SLC39A11: variants seen among roughly 807,000 people sequenced by gnomAD.
SLC39A11 encodes solute carrier family 39 member 11, also known as zinc transporter ZIP11.
A neutral mutation model predicts 36.1 loss-of-function variants in SLC39A11; 33 were observed. That is an observed-to-expected ratio of 0.91 (90% CI 0.69 to 1.22). The LOEUF (loss-of-function observed/expected upper bound fraction) is 1.22, where lower values mean the gene tolerates loss of function less well. Ranked by LOEUF, SLC39A11 falls within the 50% of genes most tolerant of loss-of-function variation. The probability of loss-of-function intolerance (pLI) is 0.00; values close to 1 mark genes in which losing one functional copy is unlikely to be tolerated. For synonymous variants in SLC39A11, 166 were observed against 170.3 expected (o/e 0.97, Z 0.20); for missense variants, 432 against 430.3 (o/e 1.00, Z -0.03).
At position 72,727,248 on chromosome 17, in the gene SLC39A11, G is replaced by A. The variant is rs537354664; in HGVS notation, c.671+9402C>T. Among the ~76,000 whole-genome samples, 243 of 152,302 alleles carry A rather than the reference G, an allele frequency of 1.6e-3. No homozygotes were observed. The Middle Eastern group carries it at 0.037, about 23-fold the overall frequency. On this transcript the variant is annotated intron_variant, in intron 7 of 9. Coordinates refer to ENST00000255559, the MANE Select transcript of SLC39A11 (RefSeq NM_139177.4). ...CAGAGAACATGTTCTTTGAAGTGAC[G>A]ATACAGCAGAAAGGAAAACCGCTTA...
intron 6 of SLC39A11, among the ~76,000 whole-genome samples, chr17:72,849,394 T>C (rs758296096): frequency 1.3e-5 from 2 of 152,228 alleles, no homozygotes; most frequent in East Asian, 3.8e-4. Context: ...GTAACAAATA[T>C]GTAAACAAAA....
chr17:72,669,426 T>G (rs535946721), intron 7 of SLC39A11, among the ~76,000 whole-genome samples: 3 of 152,272 alleles, frequency 2.0e-5, no homozygotes, highest in Non-Finnish European at 4.4e-5. Context: ...TTTCATGACT[T>G]TGAAGAGTGC....
At chr17:72,666,778 T>C (rs2070774932) in intron 7 of SLC39A11, among the ~76,000 whole-genome samples, 2 of 152,218 alleles carry the variant, frequency 1.3e-5, no homozygotes, top group Admixed American at 6.5e-5. Flanking sequence ...AGTTAGAACA[T>C]GCTCCCTTCC....
At chr17:72,847,656 A>G (rs1341452523) in intron 6 of SLC39A11, among the ~76,000 whole-genome samples, 2 of 152,170 alleles carry the variant, frequency 1.3e-5, no homozygotes, top group Non-Finnish European at 2.9e-5. Context: ...GATTTAATAT[A>G]TACTAGAATA....
intron 6 of SLC39A11, among the ~76,000 whole-genome samples, chr17:72,793,014 G>C (rs1012468620): frequency 6.6e-6 from 1 of 152,136 alleles, no homozygotes; most frequent in Non-Finnish European, 1.5e-5. Context: ...AATACAAACA[G>C]AGCATTTCGG....
chr17:72,888,186 T>C (rs2081533384), intron 5 of SLC39A11, among the ~76,000 whole-genome samples: 1 of 152,228 alleles, frequency 6.6e-6, no homozygotes, highest in South Asian at 2.1e-4. Flanking sequence ...AGAACCTTCA[T>C]ACTCAAAATG....
chr17:72,664,340 T>C (rs1234060025), intron 7 of SLC39A11, among the ~76,000 whole-genome samples: 1 of 152,212 alleles, frequency 6.6e-6, no homozygotes, highest in East Asian at 1.9e-4. Context: ...CCCTCTTCCA[T>C]ACCTCATTGC....
At chr17:72,760,032 A>G (rs1453904465) in intron 6 of SLC39A11, among the ~76,000 whole-genome samples, 7 of 151,940 alleles carry the variant, frequency 4.6e-5, no homozygotes, top group Admixed American at 4.6e-4. Context: ...TGTGAAGCAT[A>G]TTTTATTTTT....
Position 72,846,018 on chromosome 17 carries a change from C to CTTTTTTTTTTTTTTTTT in SLC39A11, c.601+3599_601+3615dup, listed in dbSNP as rs569100122. On this transcript the variant is annotated intron_variant, in intron 6 of 9. Coordinates refer to ENST00000255559, the MANE Select transcript of SLC39A11 (RefSeq NM_139177.4). ...CCAATGAATCTCTCTCTCTCTCTCT[C>CTTTTTTTTTTTTTTTTT]TTTTTTTTTTTTTTTTTTTTTTTTT... is the stretch of plus-strand genomic sequence containing the variant. 9.3e-4 allele frequency among the ~76,000 whole-genome samples: 54 copies of CTTTTTTTTTTTTTTTTT among 57,960 alleles called. 9 individuals are homozygous for CTTTTTTTTTTTTTTTTT. The highest frequency in any genetic ancestry group is 3.2e-3 in the African/African-American group (38 of 11,712). 38.0% of individuals were successfully genotyped at this position (57,960 alleles called of 152,430 possible). A position where few individuals can be genotyped will look rare whatever the true frequency, so the allele number is the denominator to read the frequency against.
chr17:72,729,442 T>A (rs1598475664), intron 7 of SLC39A11, among the ~76,000 whole-genome samples: 2 of 5,740 alleles, frequency 3.5e-4, no homozygotes, highest in Non-Finnish European at 6.2e-4. Context: ...TATATATATA[T>A]ATATATATAT....
intron 4 of SLC39A11, among the ~76,000 whole-genome samples, chr17:73,007,584 A>G (rs2090255906): frequency 1.3e-5 from 2 of 152,162 alleles, no homozygotes; most frequent in Admixed American, 1.3e-4. Context: ...AAAGGCTCAA[A>G]AAGACAAACA....
At chr17:72,847,422 A>T (rs1161860057) in intron 6 of SLC39A11, among the ~76,000 whole-genome samples, 1 of 134,070 alleles carries the variant, frequency 7.5e-6, no homozygotes, top group Non-Finnish European at 1.6e-5. Context: ...AAAAAAAAAA[A>T]ATTGGAAAAC....
At chr17:73,010,380 A>T (rs1210755785) in intron 4 of SLC39A11, among the ~76,000 whole-genome samples, 1 of 152,208 alleles carries the variant, frequency 6.6e-6, no homozygotes, top group Non-Finnish European at 1.5e-5. Flanking sequence ...TTCAAAAAGA[A>T]ACAGGAAGAT....
At position 73,080,955 on chromosome 17, in the gene SLC39A11, AAAATAAATAAAT is replaced by A. The variant is rs137991770; in HGVS notation, c.147+3841_147+3852del. ...GTGAGGCTCCATGTCAAAAAACAATAAAATAAATAAATAAATAAATAAATAAATAAATAATAA... is the reference window on the plus strand; with the variant it reads ...GTGAGGCTCCATGTCAAAAAACAATAAAATAAATAAATAAATAAATAATAA... On this transcript the variant is annotated intron_variant, in intron 3 of 9. Coordinates refer to ENST00000255559, the MANE Select transcript of SLC39A11 (RefSeq NM_139177.4). Among the ~76,000 whole-genome samples the A allele has an allele frequency of 1.8e-3, 270 of 147,010 alleles. 1 individual carries two copies. The highest frequency in any genetic ancestry group is 5.7e-3 in the African/African-American group (227 of 40,032).
chr17:72,879,166 T>C (rs1366660447), intron 5 of SLC39A11, among the ~76,000 whole-genome samples: 1 of 152,248 alleles, frequency 6.6e-6, no homozygotes, highest in Non-Finnish European at 1.5e-5. Context: ...CAGGAACTCA[T>C]CCAAACCTTG....
chr17:73,032,381 G>C (rs891605235), intron 3 of SLC39A11, among the ~76,000 whole-genome samples: 12 of 151,800 alleles, frequency 7.9e-5, no homozygotes, highest in Non-Finnish European at 1.5e-5. Flanking sequence ...TAATTTTTCT[G>C]TATTTTTTAG....
intron 5 of SLC39A11, 59 bp from the exon 6 acceptor site, chr17:72,849,863 G>A (rs1017073908): frequency 5.9e-5 from 84 of 1,430,340 alleles, no homozygotes; most frequent in Non-Finnish European, 6.9e-5. Context: ...ACATGTGCAC[G>A]TTAACTCTCC....
chr17:72,690,087 G>A (rs921193616), intron 7 of SLC39A11, among the ~76,000 whole-genome samples: 2 of 152,328 alleles, frequency 1.3e-5, no homozygotes, highest in Admixed American at 6.5e-5. Context: ...TGGGGAGCGT[G>A]TGTGATCCAG....
intron 5 of SLC39A11, among the ~76,000 whole-genome samples, chr17:72,897,197 G>A (rs1394123244): frequency 6.6e-6 from 1 of 152,120 alleles, no homozygotes; most frequent in Non-Finnish European, 1.5e-5. Context: ...CAGAGATGAT[G>A]AAGGCCTGAA....
Sources: gnomAD v4.1 joint callset for allele counts (sites outside exome capture counted in the v4.1 genomes callset) on GRCh38, gnomAD v4.1.1 for gene constraint, MANE v1.5 for transcripts, NCBI Gene and HGNC (gene_info 2026-07-23, HGNC 2026-07-21) for gene names.